UTRN: variants seen among roughly 807,000 people sequenced by gnomAD.
UTRN encodes the protein dystrophin-related protein 1.
Under a neutral mutation model 463.9 loss-of-function variants are expected in UTRN, and 283 were observed. That is an observed-to-expected ratio of 0.61 (90% CI 0.55 to 0.67). The LOEUF is 0.67. Among genes scored for constraint, UTRN ranks in the 30% least tolerant of loss-of-function variants. UTRN has a pLI of 0.00. For missense variants in UTRN, 3,922 were observed against 4,084.3 expected, an observed-to-expected ratio of 0.96 and a Z score of 1.08; for synonymous variants, 1,442 against 1,431.5, an observed-to-expected ratio of 1.01 and a Z score of -0.17.
At chr6:144,841,742 C>G (rs1240876240) in intron 73 of UTRN, among the ~76,000 whole-genome samples, 4 of 152,010 alleles carry the variant, frequency 2.6e-5, no homozygotes, top group East Asian at 1.9e-4. Context: ...GATTTTAAAT[C>G]CAGGGCAGTC....
intron 46 of UTRN, among the ~76,000 whole-genome samples, chr6:144,546,692 C>A (rs755576946): frequency 7.2e-5 from 11 of 151,978 alleles, no homozygotes; most frequent in Non-Finnish European, 1.6e-4. Context: ...GCCTGTAGTT[C>A]CAACTAATCA....
intron 60 of UTRN, among the ~76,000 whole-genome samples, chr6:144,780,939 C>T (rs186511104): frequency 1.8e-4 from 27 of 152,318 alleles, no homozygotes; most frequent in Non-Finnish European, 2.9e-4. Flanking sequence ...CATTTCAAAT[C>T]GCACCTCTCC....
intron 2 of UTRN, among the ~76,000 whole-genome samples, chr6:144,317,389 C>T (rs1006891630): frequency 3.3e-5 from 5 of 152,118 alleles, no homozygotes; most frequent in African/African-American, 1.2e-4. Context: ...ACATTCCAAT[C>T]TGATATATAT....
chr6:144,335,363 G>C (rs1776638151), intron 2 of UTRN, among the ~76,000 whole-genome samples: 1 of 152,084 alleles, frequency 6.6e-6, no homozygotes, highest in Admixed American at 6.6e-5. Flanking sequence ...CCTCCCATCT[G>C]CCACCCGCTC....
chr6:144,820,379 T>G (rs1779492391), intron 65 of UTRN, among the ~76,000 whole-genome samples: 1 of 152,208 alleles, frequency 6.6e-6, no homozygotes, highest in Non-Finnish European at 1.5e-5. Flanking sequence ...TCTTTCTCTC[T>G]TATTTATTGT....
chr6:144,835,900 A>G lies in UTRN; in HGVS notation c.9786A>G (p.Glu3262=). 3 of 1,614,122 alleles carry G rather than the reference A, an allele frequency of 1.9e-6. No homozygotes were observed. Among genetic ancestry groups the G allele is most frequent in the African/African-American group, 1.3e-5 (1 of 75,066 alleles). Reference sequence around the variant, plus strand: ...CAGTAGAGAGGGAAGAACGTGGAGAACTGGAGAGGATCATTGCTGACCTGG... The same window carrying G: ...CAGTAGAGAGGGAAGAACGTGGAGAGCTGGAGAGGATCATTGCTGACCTGG... ...LKSVEREERG[E]LERIIADLEE... Residue 3262 remains glutamate (E), a synonymous_variant, in exon 70 of 75, where the codon GAA becomes GAG. Coordinates refer to ENST00000367545, the MANE Select transcript of UTRN (RefSeq NM_007124.3).
intron 25 of UTRN, among the ~76,000 whole-genome samples, chr6:144,476,908 G>C (rs1791268986): frequency 6.6e-6 from 1 of 152,242 alleles, no homozygotes; most frequent in African/African-American, 2.4e-5. Flanking sequence ...AAATGGGTGG[G>C]TGCTGGTGAT....
intron 53 of UTRN, chr6:144,708,159 A>C: frequency 2.1e-6 from 1 of 486,552 alleles, no homozygotes; most frequent in Non-Finnish European, 3.9e-6. Flanking sequence ...TCATTTGATA[A>C]GACCAATGGA....
intron 23 of UTRN, among the ~76,000 whole-genome samples, chr6:144,463,743 T>A (rs1251442321): frequency 1.3e-5 from 2 of 151,834 alleles, no homozygotes. Context: ...CCAATCAATA[T>A]TTTTCAACGA....
At chr6:144,436,805 T>A (rs2114890161) in intron 10 of UTRN, among the ~76,000 whole-genome samples, 1 of 143,214 alleles carries the variant, frequency 7.0e-6, no homozygotes, top group African/African-American at 2.6e-5. Flanking sequence ...TATATAAATA[T>A]ATATAAATAA....
intron 2 of UTRN, among the ~76,000 whole-genome samples, chr6:144,298,182 T>G (rs1804902910): frequency 6.6e-6 from 1 of 152,246 alleles, no homozygotes; most frequent in Non-Finnish European, 1.5e-5. Flanking sequence ...TCTTTTTATA[T>G]GCCTTAACTG....
intron 2 of UTRN, among the ~76,000 whole-genome samples, chr6:144,329,192 C>T (rs78467781): frequency 6.6e-6 from 1 of 151,336 alleles, no homozygotes; most frequent in African/African-American, 2.4e-5. Flanking sequence ...AAGCGATTCT[C>T]CTGCCTCAGA....
intron 7 of UTRN, 84 bp from the exon 8 acceptor site, chr6:144,428,694 A>G: frequency 2.9e-6 from 2 of 699,038 alleles, no homozygotes; most frequent in Non-Finnish European, 4.4e-6. Flanking sequence ...AATAATCTAA[A>G]ACTAAAATGT....
chr6:144,499,201 C>T, intron 33 of UTRN, 56 bp from the exon 34 acceptor site: 1 of 1,540,252 alleles, frequency 6.5e-7, no homozygotes, highest in Non-Finnish European at 8.8e-7. Flanking sequence ...GATTCATTCT[C>T]ATTTATGTTC....
chr6:144,388,481 ATTATTTAT>A (rs57479570), intron 2 of UTRN, among the ~76,000 whole-genome samples: 135 of 143,970 alleles, frequency 9.4e-4, no homozygotes, highest in South Asian at 1.1e-3. Context: ...CCTGGCTAAT[ATTATTTAT>A]TTATTTATTT....
intron 2 of UTRN, among the ~76,000 whole-genome samples, chr6:144,368,647 G>A (rs747302177): frequency 3.9e-5 from 6 of 152,020 alleles, no homozygotes; most frequent in Non-Finnish European, 7.4e-5. Flanking sequence ...GGTGGTGCAC[G>A]CCTGTAGTCC....
chr6:144,354,890 T>C (rs77992179), intron 2 of UTRN, among the ~76,000 whole-genome samples: 1,706 of 152,276 alleles, frequency 0.011, 31 homozygotes, highest in African/African-American at 0.039. Flanking sequence ...TGTTGAAAGA[T>C]AGGTGGAACT....
At chr6:144,557,410 A>G in intron 50 of UTRN, 99 bp downstream of exon 50, 1 of 1,250,070 alleles carries the variant, frequency 8.0e-7, no homozygotes, top group Non-Finnish European at 1.1e-6. Flanking sequence ...TGGCTACTAC[A>G]AGTACATTTT....
chr6:144,400,058 T>G (rs140538168), intron 2 of UTRN, among the ~76,000 whole-genome samples: 36 of 152,262 alleles, frequency 2.4e-4, no homozygotes, highest in African/African-American at 8.2e-4. Context: ...TGTTCATCCC[T>G]CTAATGGAGA....
Sources: allele counts gnomAD v4.1 joint callset (sites outside exome capture counted in the v4.1 genomes callset), GRCh38; gene constraint gnomAD v4.1.1; transcripts MANE v1.5; gene names NCBI Gene and HGNC (gene_info 2026-07-23, HGNC 2026-07-21).